The following GABRG3 variants were observed in gnomAD, a reference collection of about 807,000 sequenced individuals.
GABRG3 encodes the protein gamma-aminobutyric acid receptor subunit gamma-3.
GABRG3 carries 25 observed loss-of-function variants against 48.8 expected under a neutral mutation model. That is an observed-to-expected ratio of 0.51 (90% CI 0.37 to 0.72). The LOEUF is 0.72. Ranked by LOEUF, GABRG3 falls within the 30% of genes least tolerant of loss-of-function variation. The probability of loss-of-function intolerance (pLI) is 0.00; values close to 1 mark genes in which losing one functional copy is unlikely to be tolerated. For missense variants in GABRG3, 394 were observed against 577.9 expected (o/e 0.68, Z 3.26); for synonymous variants, 227 against 217.6 (o/e 1.04, Z -0.38).
Position 27,326,925 on chromosome 15 carries a change from A to G in GABRG3, c.387A>G (p.Pro129=). 1.2e-6 allele frequency: 2 copies of G among 1,614,028 alleles called. No individual in the cohort carries two copies. The highest frequency in any genetic ancestry group is 1.7e-6 in the Non-Finnish European group (2 of 1,179,892). The change falls in exon 4 of 10, where the codon CCA becomes CCG. Residue 129 remains proline (P), a synonymous_variant. Coordinates refer to ENST00000615808, the MANE Select transcript of GABRG3 (RefSeq NM_033223.5). ...ACATGGTGGGGTTAATCTGGATCCC[A>G]GACACCATCTTCCGCAATTCTAAAA... ...NSNMVGLIWI[P]DTIFRNSKTA...
intron 3 of GABRG3, among the ~76,000 whole-genome samples, chr15:27,269,038 G>T (rs567530285): frequency 3.9e-5 from 6 of 152,124 alleles, no homozygotes; most frequent in Non-Finnish European, 8.8e-5. Context: ...AGTTATTTCA[G>T]GCAGGAGGGT....
chr15:27,460,540 G>A (rs1360688279), intron 5 of GABRG3, among the ~76,000 whole-genome samples: 2 of 152,320 alleles, frequency 1.3e-5, no homozygotes, highest in Admixed American at 6.5e-5. Flanking sequence ...GGAAACAGAA[G>A]TTACAGGCAA....
At chr15:27,316,914 G>T (rs1893251063) in intron 3 of GABRG3, among the ~76,000 whole-genome samples, 1 of 152,170 alleles carries the variant, frequency 6.6e-6, no homozygotes, top group African/African-American at 2.4e-5. Flanking sequence ...TTTAGTGAGA[G>T]GAAGATTAAC....
intron 3 of GABRG3, among the ~76,000 whole-genome samples, chr15:27,232,982 G>A (rs939762844): frequency 5.9e-5 from 9 of 152,206 alleles, no homozygotes; most frequent in Non-Finnish European, 8.8e-5. Flanking sequence ...GCCAGAAGCC[G>A]GTAGGCTGCT....
chr15:27,314,612 C>G (rs1893148880), intron 3 of GABRG3, among the ~76,000 whole-genome samples: 1 of 152,132 alleles, frequency 6.6e-6, no homozygotes, highest in Non-Finnish European at 1.5e-5. Flanking sequence ...TCTTAGCACT[C>G]CAGTGGTTGT....
At chr15:27,475,181 A>G (rs1023761592) in intron 5 of GABRG3, among the ~76,000 whole-genome samples, 1 of 152,088 alleles carries the variant, frequency 6.6e-6, no homozygotes, top group Non-Finnish European at 1.5e-5. Flanking sequence ...CATGACAATC[A>G]GAAGAACAGA....
chr15:27,285,070 T>C (rs1313785428), intron 3 of GABRG3, among the ~76,000 whole-genome samples: 1 of 152,174 alleles, frequency 6.6e-6, no homozygotes, highest in Non-Finnish European at 1.5e-5. Flanking sequence ...CTAAGAACTA[T>C]GGGTCGTAGT....
chr15:27,468,089 CAGGGG>C (rs928208606), intron 5 of GABRG3, among the ~76,000 whole-genome samples: 1 of 152,196 alleles, frequency 6.6e-6, no homozygotes, highest in African/African-American at 2.4e-5. Flanking sequence ...ACCAGCGGGT[CAGGGG>C]AAGTCCCCAT....
At chr15:27,162,917 T>A (rs1452276118) in intron 3 of GABRG3, among the ~76,000 whole-genome samples, 1 of 152,090 alleles carries the variant, frequency 6.6e-6, no homozygotes, top group Non-Finnish European at 1.5e-5. Context: ...GGACTGCAGC[T>A]GTTTTTCTAA....
At chr15:27,262,270 G>T (rs558459522) in intron 3 of GABRG3, among the ~76,000 whole-genome samples, 6 of 152,340 alleles carry the variant, frequency 3.9e-5, no homozygotes, top group African/African-American at 1.4e-4. Context: ...TAAGCTGGAG[G>T]TAGTCTGTGG....
chr15:27,337,638 T>C (rs1380459692), intron 5 of GABRG3, among the ~76,000 whole-genome samples: 1 of 152,186 alleles, frequency 6.6e-6, no homozygotes, highest in Non-Finnish European at 1.5e-5. Flanking sequence ...TAGATTTTGT[T>C]TAGTATCAGT....
intron 5 of GABRG3, among the ~76,000 whole-genome samples, chr15:27,400,202 G>A (rs557031289): frequency 6.6e-5 from 10 of 152,078 alleles, no homozygotes; most frequent in Admixed American, 2.6e-4. Flanking sequence ...CTATTAGAAC[G>A]CTAAAATGAA....
In GABRG3 at chr15:27,388,318, GAAAA is replaced by G. The variant is rs1248557216; in HGVS notation, c.574+59431_574+59434del. Among the ~76,000 whole-genome samples, 8 of 52,484 alleles carry G rather than the reference GAAAA, an allele frequency of 1.5e-4. 1 individual carries two copies. The highest frequency in any genetic ancestry group is 2.6e-4 in the Non-Finnish European group (7 of 26,740). 34.4% of individuals were successfully genotyped at this position (52,484 alleles called of 152,430 possible). On this transcript the variant is annotated intron_variant, in intron 5 of 9. Transcript: ENST00000615808. Reference sequence around the variant, plus strand: ...AAAGAAGGAAGGAAAGGGAGGGAGGGAAAAGAAGGAAGGAAGGAAAGGTGGGAGG... The same window carrying G: ...AAAGAAGGAAGGAAAGGGAGGGAGGGGAAGGAAGGAAGGAAAGGTGGGAGG...
At chr15:27,530,876 G>A (rs1462306969) in intron 9 of GABRG3, 9 of 343,548 alleles carry the variant, frequency 2.6e-5, no homozygotes, top group South Asian at 2.0e-4. Flanking sequence ...ACACGTGTAG[G>A]AAACCTTTAT....
chr15:27,324,698 C>A (rs1326183572), intron 3 of GABRG3, among the ~76,000 whole-genome samples: 1 of 152,174 alleles, frequency 6.6e-6, no homozygotes, highest in Non-Finnish European at 1.5e-5. Context: ...AGCCAACTTT[C>A]TACCTGAGGC....
intron 3 of GABRG3, among the ~76,000 whole-genome samples, chr15:27,270,642 G>T (rs1891054056): frequency 6.6e-6 from 1 of 152,140 alleles, no homozygotes; most frequent in African/African-American, 2.4e-5. Context: ...CAGTTAGAAG[G>T]AATAAGTTCT....
intron 2 of GABRG3, among the ~76,000 whole-genome samples, chr15:27,006,922 T>G (rs1406363131): frequency 1.3e-5 from 2 of 151,802 alleles, no homozygotes; most frequent in Non-Finnish European, 2.9e-5. Context: ...TACTGCAGCC[T>G]CGAACTCCTG....
intron 3 of GABRG3, among the ~76,000 whole-genome samples, chr15:27,231,637 T>C (rs868483279): frequency 1.3e-5 from 2 of 152,242 alleles, no homozygotes; most frequent in African/African-American, 2.4e-5. Context: ...CAGGGGCTGG[T>C]CAAGGCTGAC....
chr15:27,517,107 G>T (rs1348467369), intron 6 of GABRG3, among the ~76,000 whole-genome samples: 1 of 123,408 alleles, frequency 8.1e-6, no homozygotes, highest in East Asian at 2.5e-4. Context: ...GCCCAGCACT[G>T]GGACTTTGAC....
Sources: allele counts gnomAD v4.1 joint callset (sites outside exome capture counted in the v4.1 genomes callset), GRCh38; gene constraint gnomAD v4.1.1; transcripts MANE v1.5; gene names NCBI Gene and HGNC (gene_info 2026-07-23, HGNC 2026-07-21).